Variants in RORB observed in about 807,000 individuals in gnomAD.
RORB encodes the protein RAR related orphan receptor B.
A neutral mutation model predicts 59.1 loss-of-function variants in RORB; 6 were observed. The ratio of observed to expected loss-of-function variants is 0.10; its 90% CI spans 0.06 to 0.20. The LOEUF is 0.20. RORB is among the 10% of genes least tolerant of loss of function. RORB has a pLI of 1.00. For missense variants in RORB, 320 were observed against 560.5 expected (o/e 0.57, Z 4.33); for synonymous variants, 215 against 204.5 (o/e 1.05, Z -0.44).
At chr9:74,516,169 A>T (rs1343677719) in intron 1 of RORB, among the ~76,000 whole-genome samples, 1 of 152,096 alleles carries the variant, frequency 6.6e-6, no homozygotes, top group Non-Finnish European at 1.5e-5. Context: ...GTGAAGATAG[A>T]TAATACCATC....
intron 1 of RORB, among the ~76,000 whole-genome samples, chr9:74,510,492 C>T (rs11143998): frequency 0.31 from 46,664 of 152,006 alleles, 7,561 homozygotes; most frequent in Admixed American, 0.4. Context: ...GAGGAGCTGA[C>T]AGATGCAGTC....
At chr9:74,553,132 A>T (rs183835089) in intron 1 of RORB, among the ~76,000 whole-genome samples, 1 of 152,214 alleles carries the variant, frequency 6.6e-6, no homozygotes, top group Admixed American at 6.5e-5. Flanking sequence ...CTGTTGGAGG[A>T]TCTTACACAG....
chr9:74,537,660 C>T (rs533031096), intron 1 of RORB, among the ~76,000 whole-genome samples: 1 of 152,058 alleles, frequency 6.6e-6, no homozygotes, highest in African/African-American at 2.4e-5. Flanking sequence ...TTTTAAATGT[C>T]ATTTGATGAG....
At chr9:74,601,175 T>A (rs1444745927) in intron 1 of RORB, among the ~76,000 whole-genome samples, 1 of 151,938 alleles carries the variant, frequency 6.6e-6, no homozygotes, top group Non-Finnish European at 1.5e-5. Context: ...ATAAGAGAAG[T>A]AAACAGACAT....
chr9:74,572,840 G>A (rs977569958), intron 1 of RORB, among the ~76,000 whole-genome samples: 2 of 152,144 alleles, frequency 1.3e-5, no homozygotes, highest in African/African-American at 4.8e-5. Context: ...ACCACCTTGT[G>A]AAAGATATTC....
chr9:74,617,631 C>A (rs558749634), intron 1 of RORB, among the ~76,000 whole-genome samples: 2 of 152,302 alleles, frequency 1.3e-5, no homozygotes, highest in African/African-American at 4.8e-5. Context: ...GAGCTATTCA[C>A]TAATTCTACA....
intron 9 of RORB, among the ~76,000 whole-genome samples, chr9:74,681,748 C>T (rs1358665835): frequency 6.6e-6 from 1 of 152,030 alleles, no homozygotes; most frequent in East Asian, 1.9e-4. Context: ...TTTCAGTCAC[C>T]CTCTTATACA....
intron 1 of RORB, among the ~76,000 whole-genome samples, chr9:74,617,442 A>T (rs143748802): frequency 6.6e-6 from 1 of 152,330 alleles, no homozygotes; most frequent in Admixed American, 6.5e-5. Flanking sequence ...ATGTTCATAC[A>T]ACAACTTCAC....
chr9:74,666,156 T>C (rs1435092653), intron 7 of RORB, among the ~76,000 whole-genome samples: 1 of 152,102 alleles, frequency 6.6e-6, no homozygotes, highest in Non-Finnish European at 1.5e-5. Flanking sequence ...GCATGGTGGC[T>C]GACGCCTGTA....
At chr9:74,544,765 T>G (rs1394555856) in intron 1 of RORB, among the ~76,000 whole-genome samples, 2 of 152,198 alleles carry the variant, frequency 1.3e-5, no homozygotes, top group African/African-American at 4.8e-5. Flanking sequence ...GGAAAAACCT[T>G]CCTCTATCCA....
chr9:74,593,433 T>C (rs1208123585), intron 1 of RORB, among the ~76,000 whole-genome samples: 1 of 137,554 alleles, frequency 7.3e-6, no homozygotes, highest in African/African-American at 2.8e-5. Context: ...ACCGTTGCAC[T>C]CCAGCCTGGG....
chr9:74,540,965 G>T (rs986784203), intron 1 of RORB, among the ~76,000 whole-genome samples: 1 of 152,036 alleles, frequency 6.6e-6, no homozygotes, highest in African/African-American at 2.4e-5. Flanking sequence ...CTATGAAGGT[G>T]CCTGAGAAAA....
intron 1 of RORB, among the ~76,000 whole-genome samples, chr9:74,586,600 C>T (rs1002371612): frequency 5.7e-5 from 8 of 141,284 alleles, no homozygotes; most frequent in Admixed American, 1.4e-4. Flanking sequence ...ATGTAATGTC[C>T]GTGTGTGTGT....
chr9:74,641,508 T>C (rs1823804439), intron 3 of RORB, among the ~76,000 whole-genome samples: 1 of 152,192 alleles, frequency 6.6e-6, no homozygotes. Context: ...AATCTTATCA[T>C]TTGATCCCAA....
intron 1 of RORB, among the ~76,000 whole-genome samples, chr9:74,599,054 T>A (rs192452059): frequency 1.3e-5 from 2 of 152,280 alleles, no homozygotes; most frequent in Non-Finnish European, 1.5e-5. Context: ...GCCACCTGCA[T>A]AACCCGAACA....
chr9:74,564,078 A>G (rs909814960), intron 1 of RORB, among the ~76,000 whole-genome samples: 7 of 152,198 alleles, frequency 4.6e-5, no homozygotes, highest in African/African-American at 1.7e-4. Context: ...TGTCATGTGC[A>G]ATGTCGTACA....
chr9:74,506,390 C>G (rs2118026802), intron 1 of RORB, among the ~76,000 whole-genome samples: 1 of 152,098 alleles, frequency 6.6e-6, no homozygotes. Context: ...TAATAAAAAC[C>G]TGAGTGTGAG....
chr9:74,661,928 AGCCACCGC>A lies in RORB; in HGVS notation c.760-542_760-535del, dbSNP rs560325020. ...CCAAAGTGCTGGGATTTCAGGCGTG[AGCCACCGC>A]GCCCGGCCTCGGAATTCTTTTTAAA... is the stretch of plus-strand genomic sequence containing the variant. On this transcript the variant is annotated intron_variant, in intron 5 of 9. Coordinates refer to ENST00000376896, the MANE Select transcript of RORB (RefSeq NM_006914.4). Among the ~76,000 whole-genome samples, 635 of 152,166 alleles carry A rather than the reference AGCCACCGC, an allele frequency of 4.2e-3. 5 individuals are homozygous for A. The highest frequency in any genetic ancestry group is 0.015 in the African/African-American group (616 of 41,524).
At chr9:74,633,849 GT>G (rs1234757269) in intron 2 of RORB, among the ~76,000 whole-genome samples, 2 of 151,968 alleles carry the variant, frequency 1.3e-5, no homozygotes, top group Non-Finnish European at 2.9e-5. Context: ...AGTACTTTTT[GT>G]TGTTAGACAG....
Sources: gnomAD v4.1 joint callset for allele counts (sites outside exome capture counted in the v4.1 genomes callset) on GRCh38, gnomAD v4.1.1 for gene constraint, MANE v1.5 for transcripts, NCBI Gene and HGNC (gene_info 2026-07-23, HGNC 2026-07-21) for gene names.